GLRB: variants seen among roughly 807,000 people sequenced by gnomAD.
GLRB encodes the protein glycine receptor subunit beta.
A neutral mutation model predicts 54.2 loss-of-function variants in GLRB; 33 were observed. The observed-to-expected ratio is 0.61, with a 90% CI of 0.46 to 0.81. The LOEUF is 0.81. Ranked by LOEUF, GLRB falls within the 40% of genes least tolerant of loss-of-function variation. The pLI, the probability that GLRB is intolerant of heterozygous loss-of-function variation, is 0.00. For synonymous variants in GLRB, 209 were observed against 208.2 expected (o/e 1.00, Z -0.03); for missense variants, 572 against 584.6 (o/e 0.98, Z 0.22).
intron 4 of GLRB, among the ~76,000 whole-genome samples, chr4:157,133,572 G>A (rs1441665731): frequency 1.3e-5 from 2 of 151,814 alleles, no homozygotes; most frequent in South Asian, 2.1e-4. Context: ...GGAGCTCACA[G>A]CTTTATCCTT....
At chr4:157,137,011 A>G in intron 6 of GLRB, 125 bp downstream of exon 6, 1 of 663,436 alleles carries the variant, frequency 1.5e-6, no homozygotes, top group Non-Finnish European at 2.7e-6. Context: ...AGTCATTAAA[A>G]TAATTTATTT....
intron 9 of GLRB, among the ~76,000 whole-genome samples, chr4:157,163,127 C>T (rs896310746): frequency 6.6e-6 from 1 of 152,198 alleles, no homozygotes; most frequent in Non-Finnish European, 1.5e-5. Context: ...GCATGGGACC[C>T]TCCGAGCCAC....
At chr4:157,148,848 G>A (rs563974535) in intron 8 of GLRB, among the ~76,000 whole-genome samples, 1 of 152,172 alleles carries the variant, frequency 6.6e-6, no homozygotes, top group East Asian at 1.9e-4. Flanking sequence ...TTACCGTCAA[G>A]TTGGTTAGTA....
At chr4:157,150,290 A>G (rs1172313068) in intron 8 of GLRB, among the ~76,000 whole-genome samples, 5 of 152,084 alleles carry the variant, frequency 3.3e-5, no homozygotes, top group Non-Finnish European at 7.4e-5. Flanking sequence ...ACGATTTTCC[A>G]AAGATAAGGC....
chr4:157,126,458 A>T (rs1029089299), intron 4 of GLRB, among the ~76,000 whole-genome samples: 29 of 151,640 alleles, frequency 1.9e-4, no homozygotes, highest in Non-Finnish European at 3.2e-4. Context: ...GCTACCTTAC[A>T]TTTTTGTAAG....
At chr4:157,162,238 T>G (rs1362834796) in intron 9 of GLRB, among the ~76,000 whole-genome samples, 1 of 152,198 alleles carries the variant, frequency 6.6e-6, no homozygotes, top group Non-Finnish European at 1.5e-5. Flanking sequence ...TCATCTCGTC[T>G]TTTTTCAAGG....
intron 2 of GLRB, among the ~76,000 whole-genome samples, chr4:157,084,297 A>G (rs769833769): frequency 6.6e-6 from 1 of 152,144 alleles, no homozygotes; most frequent in Non-Finnish European, 1.5e-5. Context: ...TCAAACATTT[A>G]ATAGCTTACA....
rs544704775 is a variant in GLRB, at chr4:157,165,311, G to A, written c.1198-5121G>A. 7.4e-4 allele frequency among the ~76,000 whole-genome samples: 113 copies of A among 152,040 alleles called. 1 individual carries two copies. The highest frequency in any genetic ancestry group is 1.1e-3 in the Admixed American group (17 of 15,262). Reference sequence around the variant, plus strand: ...CTTTTTAATTCAATGGTTTTGCAATGAAAAATGTAATTAAACTTTTGGTTT... The same window carrying A: ...CTTTTTAATTCAATGGTTTTGCAATAAAAAATGTAATTAAACTTTTGGTTT... On this transcript the variant is annotated intron_variant, in intron 9 of 9. Coordinates refer to ENST00000264428, the MANE Select transcript of GLRB (RefSeq NM_000824.5).
At chr4:157,139,088 G>GT in intron 7 of GLRB, 139 bp downstream of exon 7, 3 of 562,454 alleles carry the variant, frequency 5.3e-6, no homozygotes, top group Non-Finnish European at 6.4e-6. Flanking sequence ...ACATTCATAT[G>GT]TTTAAGTCTT....
At chr4:157,131,229 C>T (rs1337870978) in intron 4 of GLRB, among the ~76,000 whole-genome samples, 1 of 151,690 alleles carries the variant, frequency 6.6e-6, no homozygotes, top group East Asian at 1.9e-4. Flanking sequence ...TTTGCCTTAT[C>T]TTAAAACTTG....
intron 2 of GLRB, among the ~76,000 whole-genome samples, chr4:157,111,816 C>T (rs1253323467): frequency 6.6e-6 from 1 of 151,926 alleles, no homozygotes; most frequent in African/African-American, 2.4e-5. Context: ...CCAATCTAGC[C>T]TCTTTCTCAA....
At chr4:157,165,568 G>C (rs1445232676) in intron 9 of GLRB, among the ~76,000 whole-genome samples, 1 of 151,870 alleles carries the variant, frequency 6.6e-6, no homozygotes, top group Non-Finnish European at 1.5e-5. Context: ...TTTACTATGA[G>C]GTTTTTATAA....
chr4:157,164,126 A>G (rs1300970729), intron 9 of GLRB, among the ~76,000 whole-genome samples: 4 of 151,696 alleles, frequency 2.6e-5, no homozygotes, highest in African/African-American at 9.7e-5. Context: ...TGGAGTAATT[A>G]TTATTCCCTT....
At chr4:157,120,799 AT>A in intron 3 of GLRB, 137 bp downstream of exon 3, 1 of 521,828 alleles carries the variant, frequency 1.9e-6, no homozygotes, top group Non-Finnish European at 3.6e-6. Flanking sequence ...TATAACAAAA[AT>A]GTCCTTAAGT....
chr4:157,100,798 A>T (rs1734991257), intron 2 of GLRB, among the ~76,000 whole-genome samples: 1 of 152,212 alleles, frequency 6.6e-6, no homozygotes, highest in Admixed American at 6.5e-5. Flanking sequence ...GATTTTGGTT[A>T]TATGAACCTT....
intron 9 of GLRB, 110 bp downstream of exon 9, chr4:157,153,120 T>A: frequency 5.1e-6 from 5 of 976,738 alleles, no homozygotes; most frequent in Non-Finnish European, 8.0e-6. Context: ...CATTTGCTTG[T>A]TTTTCTCTCA....
chr4:157,153,115 G>T, intron 9 of GLRB, 105 bp downstream of exon 9: 1 of 1,035,836 alleles, frequency 9.7e-7, no homozygotes, highest in Non-Finnish European at 1.5e-6. Flanking sequence ...ATTGGCATTT[G>T]CTTGTTTTTC....
chr4:157,128,510 A>C (rs547950235), intron 4 of GLRB, among the ~76,000 whole-genome samples: 1 of 152,010 alleles, frequency 6.6e-6, no homozygotes, highest in East Asian at 1.9e-4. Flanking sequence ...AACATGATAC[A>C]GAAGGCATTT....
chr4:157,104,349 T>C (rs545210532), intron 2 of GLRB, among the ~76,000 whole-genome samples: 1 of 152,154 alleles, frequency 6.6e-6, no homozygotes, highest in Non-Finnish European at 1.5e-5. Context: ...ATTTGGGTGG[T>C]TTATGGCATT....
Sources: gnomAD v4.1 joint callset for allele counts (sites outside exome capture counted in the v4.1 genomes callset) on GRCh38, gnomAD v4.1.1 for gene constraint, MANE v1.5 for transcripts, NCBI Gene and HGNC (gene_info 2026-07-23, HGNC 2026-07-21) for gene names.